Variants in ZC3H12D observed in about 807,000 individuals in gnomAD.
ZC3H12D encodes probable ribonuclease ZC3H12D.
In ZC3H12D, 11 loss-of-function variants were observed where a neutral mutation model predicts 24.2. The ratio of observed to expected loss-of-function variants is 0.46; its 90% CI spans 0.29 to 0.75. The LOEUF is 0.75. Ranked by LOEUF, ZC3H12D falls within the 30% of genes least tolerant of loss-of-function variation. The pLI is 0.11. For synonymous variants in ZC3H12D, 333 were observed against 341.8 expected (o/e 0.97, Z 0.28); for missense variants, 740 against 767.7 (o/e 0.96, Z 0.43).
At chr6:149,455,647 G>A (rs1317651836) in intron 4 of ZC3H12D, among the ~76,000 whole-genome samples, 1 of 152,178 alleles carries the variant, frequency 6.6e-6, no homozygotes, top group East Asian at 1.9e-4. Flanking sequence ...ACTGACCCAA[G>A]AGGCCTATTT....
chr6:149,469,737 GCTA>G (rs1232785722), intron 2 of ZC3H12D, among the ~76,000 whole-genome samples: 4 of 152,154 alleles, frequency 2.6e-5, no homozygotes, highest in Non-Finnish European at 4.4e-5. Context: ...GTCCATGAGA[GCTA>G]CTATTTGAGG....
chr6:149,473,149 A>AACT (rs1304149099), intron 2 of ZC3H12D, among the ~76,000 whole-genome samples: 63,470 of 148,796 alleles, frequency 0.43, 15,108 homozygotes, highest in African/African-American at 0.62. Flanking sequence ...AAAAAAAAAA[A>AACT]CTCAAAGTAC....
chr6:149,459,916 C>T (rs78718126), intron 3 of ZC3H12D, among the ~76,000 whole-genome samples: 3,677 of 83,282 alleles, frequency 0.044, 46 homozygotes, highest in Non-Finnish European at 0.051. Context: ...ATGGCAACTG[C>T]GCAGATATAG....
rs553923877 is a variant in ZC3H12D at position 149,450,778 on chromosome 6, C to G, written c.1489G>C (p.Val497Leu). The G allele has an allele frequency of 7.1e-6, 11 of 1,549,294 alleles. No homozygotes were observed. Among genetic ancestry groups the G allele is most frequent in the South Asian group, 1.2e-5 (1 of 84,030 alleles). The change falls in exon 6 of 6, where the codon GTG becomes CTG. Residue 497 changes from valine to leucine, a missense_variant. Transcript: ENST00000409806. ...GAGAGCTCCGGGAACGCGGCCATCA[C>G]GCGGTCCACCTGGTCACGCGGGAAG... ...SVFPRDQVDR[V>L]MAAFPELSDL...
At chr6:149,455,341 G>A (rs1478382754) in intron 4 of ZC3H12D, among the ~76,000 whole-genome samples, 2 of 152,306 alleles carry the variant, frequency 1.3e-5, no homozygotes, top group African/African-American at 2.4e-5. Context: ...GCGTGCTGGA[G>A]ACACCGCACG....
chr6:149,476,309 G>A (rs534401630), intron 1 of ZC3H12D, among the ~76,000 whole-genome samples: 8 of 152,200 alleles, frequency 5.3e-5, no homozygotes, highest in South Asian at 4.1e-4. Context: ...ATTCGAGACC[G>A]GCCTGGCCAA....
chr6:149,447,096 T>G lies in ZC3H12D; in HGVS notation c.*3587A>C, dbSNP rs1775790400. ...GCAGCCTGTGTCCTTGGGAACTGCC[T>G]GCTGCACATCCAGCAAAGGGAGGTC... On this transcript the variant is annotated 3_prime_UTR_variant, in exon 6 of 6. Transcript: ENST00000409806. The G allele has an allele frequency of 6.6e-6, 1 of 152,240 alleles. No individual in the cohort carries two copies. The highest frequency in any genetic ancestry group is 2.4e-5 in the African/African-American group (1 of 41,468). 9.4% of individuals were successfully genotyped at this position (152,240 alleles called of 1,614,324 possible).
Position 149,456,628 on chromosome 6 carries a change from G to GGGTGAGGGCC in ZC3H12D, c.680+37_680+38insGGCCCTCACC. On this transcript the variant is annotated intron_variant, in intron 4 of 5. Transcript: ENST00000409806. The surrounding 1 kb of genome is among the most constrained non-coding windows in gnomAD (Gnocchi z 4.3). ...TGCCTCGACCCCGGCCCCCCGCCCC[G>GGGTGAGGGCC]CCGCCCCCCAGGGTGTCAGGACCCC... 1.3e-6 allele frequency: 1 copy of GGGTGAGGGCC among 787,348 alleles called. No individual in the cohort carries two copies. The allele number at this position is 787,348 out of a possible 1,614,324, so 48.8% of individuals were successfully genotyped here. A position where few individuals can be genotyped will look rare whatever the true frequency, so the allele number is the denominator to read the frequency against.
chr6:149,451,258 G>C lies in ZC3H12D; in HGVS notation c.1009C>G (p.Pro337Ala). The C allele has an allele frequency of 1.5e-6, 2 of 1,301,620 alleles. No individual in the cohort carries two copies. Among genetic ancestry groups the C allele is most frequent in the Non-Finnish European group, 1.9e-6 (2 of 1,031,728 alleles). 80.6% of individuals were successfully genotyped at this position (1,301,620 alleles called of 1,614,324 possible). Residue 337 changes from proline to alanine, a missense_variant, in exon 6 of 6, where the codon CCG (proline) becomes GCG (alanine). Coordinates refer to ENST00000409806, the MANE Select transcript of ZC3H12D (RefSeq NM_207360.3). ...AHSLPPARGS[P>A]DLAALRGSFS... is the part of the protein sequence containing the mutation. ...CTCCCTCGCAGGGCGGCCAGGTCCGGGGACCCCCGCGCCGGCGGGAGGCTG... is the reference window on the plus strand; with the variant it reads ...CTCCCTCGCAGGGCGGCCAGGTCCGCGGACCCCCGCGCCGGCGGGAGGCTG...
At chr6:149,470,412 G>A (rs1019075548) in intron 2 of ZC3H12D, among the ~76,000 whole-genome samples, 2 of 151,912 alleles carry the variant, frequency 1.3e-5, no homozygotes, top group Non-Finnish European at 2.9e-5. Context: ...GCAGGCACCC[G>A]TAATCCCAGC....
intron 2 of ZC3H12D, among the ~76,000 whole-genome samples, chr6:149,469,745 T>C (rs1346046876): frequency 6.6e-6 from 1 of 152,142 alleles, no homozygotes; most frequent in Non-Finnish European, 1.5e-5. Context: ...GAGCTACTAT[T>C]TGAGGCACAT....
intron 3 of ZC3H12D, among the ~76,000 whole-genome samples, chr6:149,457,872 G>A (rs577639023): frequency 3.0e-4 from 45 of 152,076 alleles, no homozygotes; most frequent in Admixed American, 1.8e-3. Context: ...TTTTTAAAAC[G>A]TGCATAATGC....
In ZC3H12D at chr6:149,448,858, A is replaced by T. The variant is rs574948518; in HGVS notation, c.*1825T>A. On this transcript the variant is annotated 3_prime_UTR_variant, in exon 6 of 6. Coordinates refer to ENST00000409806, the MANE Select transcript of ZC3H12D (RefSeq NM_207360.3). ...TGCCCCCCAGGCCTGCCAACATCTCATGAAATCTGGTAGTAAACTGGCAAG... is the reference window on the plus strand; with the variant it reads ...TGCCCCCCAGGCCTGCCAACATCTCTTGAAATCTGGTAGTAAACTGGCAAG... 6.6e-6 allele frequency: 1 copy of T among 152,418 alleles called. No homozygotes were observed. Among genetic ancestry groups the T allele is most frequent in the Admixed American group, 6.5e-5 (1 of 15,306 alleles). 9.4% of individuals were successfully genotyped at this position (152,418 alleles called of 1,614,324 possible). A position where few individuals can be genotyped will look rare whatever the true frequency, so the allele number is the denominator to read the frequency against.
intron 3 of ZC3H12D, chr6:149,459,558 T>C: frequency 2.8e-6 from 2 of 717,148 alleles, no homozygotes; most frequent in Non-Finnish European, 5.2e-6. Context: ...CTTGGAGCAC[T>C]TCTGGTGGTG....
At chr6:149,470,371 A>C (rs899050979) in intron 2 of ZC3H12D, among the ~76,000 whole-genome samples, 2 of 151,852 alleles carry the variant, frequency 1.3e-5, no homozygotes, top group African/African-American at 2.4e-5. Context: ...ACAAACAAAC[A>C]AAAAACTACA....
At chr6:149,484,118 C>T (rs566813900) in intron 1 of ZC3H12D, among the ~76,000 whole-genome samples, 1 of 152,230 alleles carries the variant, frequency 6.6e-6, no homozygotes, top group Non-Finnish European at 1.5e-5. Context: ...CTGTAGTCCA[C>T]ACCCCAGCCT....
rs555904618 is a variant in ZC3H12D, at chr6:149,474,637, A to G, written c.-70-24T>C. 1.7e-5 allele frequency: 20 copies of G among 1,193,766 alleles called. No homozygotes were observed. The African/African-American group carries it at 2.8e-4, about 16-fold the overall frequency. 73.9% of individuals were successfully genotyped at this position (1,193,766 alleles called of 1,614,324 possible). A position where few individuals can be genotyped will look rare whatever the true frequency, so the allele number is the denominator to read the frequency against. On this transcript the variant is annotated intron_variant, in intron 1 of 5. Coordinates refer to ENST00000409806, the MANE Select transcript of ZC3H12D (RefSeq NM_207360.3). ...AGCTAAAGAGAAAAAAAATGCATCC[A>G]TCAGGTGTTTCCTGGGCAGACTGGG...
At position 149,450,542 on chromosome 6, in the gene ZC3H12D, GGAAGCAGGCTTCCCT is replaced by G; in HGVS notation, c.*126_*140del. ...GCCCCCACAACCCCGCTCAGGAGGAGGAAGCAGGCTTCCCTGACCATCTTTAAAGAAAAGGGGGCA... is the reference window on the plus strand; with the variant it reads ...GCCCCCACAACCCCGCTCAGGAGGAGGACCATCTTTAAAGAAAAGGGGGCA... On this transcript the variant is annotated 3_prime_UTR_variant, in exon 6 of 6. Transcript: ENST00000409806. The G allele has an allele frequency of 3.3e-6, 3 of 909,468 alleles. No homozygotes were observed. The highest frequency in any genetic ancestry group is 5.7e-5 in the East Asian group (2 of 35,014). 56.3% of individuals were successfully genotyped at this position (909,468 alleles called of 1,614,324 possible). A position where few individuals can be genotyped will look rare whatever the true frequency, so the allele number is the denominator to read the frequency against.
chr6:149,454,779 G>C (rs1386314265), intron 4 of ZC3H12D, among the ~76,000 whole-genome samples: 1 of 152,234 alleles, frequency 6.6e-6, no homozygotes, highest in Admixed American at 6.5e-5. Context: ...AGGATTTCTG[G>C]AGCCCATAGT....
Sources: gnomAD v4.1 joint callset for allele counts (sites outside exome capture counted in the v4.1 genomes callset) on GRCh38, gnomAD v4.1.1 for gene constraint, Gnocchi (gnomAD v3.1) non-coding constraint, MANE v1.5 for transcripts, NCBI Gene and HGNC (gene_info 2026-07-23, HGNC 2026-07-21) for gene names.